DPP4: variants seen among roughly 807,000 people sequenced by gnomAD.
The protein encoded by DPP4 is ADCP-2.
In DPP4, 93 loss-of-function variants were observed where a neutral mutation model predicts 122.4. The observed-to-expected ratio is 0.76, with a 90% CI of 0.64 to 0.90. The LOEUF (loss-of-function observed/expected upper bound fraction) is 0.90, where lower values mean the gene tolerates loss of function less well. Ranked by LOEUF, DPP4 falls within the 40% of genes least tolerant of loss-of-function variation. The pLI, the probability that DPP4 is intolerant of heterozygous loss-of-function variation, is 0.00. For synonymous variants in DPP4, 321 were observed against 302.9 expected, an observed-to-expected ratio of 1.06 and a Z score of -0.62; for missense variants, 914 against 907.3, an observed-to-expected ratio of 1.01 and a Z score of -0.09.
At chr2:162,068,339 G>A (rs890202837) in intron 2 of DPP4, among the ~76,000 whole-genome samples, 2 of 152,242 alleles carry the variant, frequency 1.3e-5, no homozygotes, top group Non-Finnish European at 2.9e-5. Flanking sequence ...CAAGCTGACA[G>A]AATGATATGG....
chr2:162,051,102 T>C (rs1684366619), intron 2 of DPP4, among the ~76,000 whole-genome samples: 1 of 152,212 alleles, frequency 6.6e-6, no homozygotes, highest in Admixed American at 6.5e-5. Flanking sequence ...ACTTTTCTTC[T>C]TTAGCTAAAG....
At chr2:162,004,082 A>G (rs1701220778) in intron 23 of DPP4, among the ~76,000 whole-genome samples, 1 of 152,180 alleles carries the variant, frequency 6.6e-6, no homozygotes, top group African/African-American at 2.4e-5. Flanking sequence ...GGAAAGCCAC[A>G]GAAACATTCA....
At chr2:162,065,854 T>A (rs1180846323) in intron 2 of DPP4, among the ~76,000 whole-genome samples, 1 of 152,204 alleles carries the variant, frequency 6.6e-6, no homozygotes, top group African/African-American at 2.4e-5. Context: ...TATGTGTCTT[T>A]TAATGCTGTC....
rs746345944 is a variant in DPP4, at chr2:162,020,591, A to C, written c.1166T>G (p.Ile389Arg). Residue 389 changes from isoleucine (I) to arginine (R), a missense_variant, in exon 13 of 26, where the codon ATA becomes AGA. Ile to Arg is a moderately conservative substitution (Grantham distance 97). Transcript: ENST00000360534. The part of the protein sequence containing the change: ...EGYRHICYFQ[I>R]DKKDCTFITK... ...TGTAAGAATACTCACTTTTTTATCT[A>C]TTTGGAAATAGCAAATGTGTCTGTA... is the stretch of plus-strand genomic sequence containing the variant. 1 of 1,602,024 alleles carries C rather than the reference A, an allele frequency of 6.2e-7. No individual in the cohort carries two copies. Among genetic ancestry groups the C allele is most frequent in the Non-Finnish European group, 8.5e-7 (1 of 1,176,218 alleles).
chr2:162,032,710 A>AAC (rs1491544028), intron 10 of DPP4, among the ~76,000 whole-genome samples: 13 of 61,264 alleles, frequency 2.1e-4, no homozygotes, highest in African/African-American at 7.4e-4. Context: ...CAACAACAAC[A>AAC]AAAAAAAAAA....
In DPP4 at chr2:162,061,855, G is replaced by A. The variant is rs116385993; in HGVS notation, c.94+11544C>T. Among the ~76,000 whole-genome samples the A allele has an allele frequency of 5.9e-3, 901 of 152,286 alleles. 3 individuals carry two copies. The highest frequency in any genetic ancestry group is 9.9e-3 in the Non-Finnish European group (674 of 68,034). Reference sequence around the variant, plus strand: ...TATATTTTAACTGGGGGAGACATAGGAACAGATAATGAGTAAGCAATGCCA... The same window carrying A: ...TATATTTTAACTGGGGGAGACATAGAAACAGATAATGAGTAAGCAATGCCA... On this transcript the variant is annotated intron_variant, in intron 2 of 25. Coordinates refer to ENST00000360534, the MANE Select transcript of DPP4 (RefSeq NM_001935.4).
chr2:162,007,142 A>G (rs909241330), intron 22 of DPP4, among the ~76,000 whole-genome samples: 4 of 152,114 alleles, frequency 2.6e-5, no homozygotes, highest in African/African-American at 9.6e-5. Context: ...AAGGACACTA[A>G]TATAAAAATA....
At position 162,039,203 on chromosome 2, in the gene DPP4, A is replaced by G. The variant is rs1386081914; in HGVS notation, c.367-19T>C. The G allele has an allele frequency of 9.3e-6, 15 of 1,610,452 alleles. No individual in the cohort carries two copies. The highest frequency in any genetic ancestry group is 1.3e-5 in the Non-Finnish European group (15 of 1,178,234). On this transcript the variant is annotated intron_variant, in intron 5 of 25. Coordinates refer to ENST00000360534, the MANE Select transcript of DPP4 (RefSeq NM_001935.4). ...TCCATTGCTATGAAAGAAAACAGAC[A>G]TTTCAGGCTTCTGTGATACTTGATA...
intron 5 of DPP4, among the ~76,000 whole-genome samples, chr2:162,040,749 A>T (rs891821166): frequency 6.6e-6 from 1 of 152,060 alleles, no homozygotes; most frequent in African/African-American, 2.4e-5. Flanking sequence ...TAAACTATGG[A>T]CTTAAATTAA....
At chr2:162,069,592 C>A (rs1468587004) in intron 2 of DPP4, among the ~76,000 whole-genome samples, 2 of 152,176 alleles carry the variant, frequency 1.3e-5, no homozygotes, top group Non-Finnish European at 2.9e-5. Context: ...AACCTGCTGA[C>A]CTCATGAGCA....
At chr2:162,015,137 G>T (rs1461677185) in intron 18 of DPP4, among the ~76,000 whole-genome samples, 1 of 152,030 alleles carries the variant, frequency 6.6e-6, no homozygotes, top group East Asian at 1.9e-4. Context: ...AATAAAAGAT[G>T]AGTTATACTA....
chr2:162,019,081 G>A (rs1683026506), intron 15 of DPP4, 142 bp downstream of exon 15: 1 of 925,244 alleles, frequency 1.1e-6, no homozygotes, highest in African/African-American at 1.7e-5. Flanking sequence ...TGGACATGTA[G>A]ATTGATTTAT....
At position 162,008,578 on chromosome 2, in the gene DPP4, G is replaced by A; in HGVS notation, c.1971C>T (p.Ser657=). 1 of 1,613,318 alleles carries A rather than the reference G, an allele frequency of 6.2e-7. No individual in the cohort carries two copies. Among genetic ancestry groups the A allele is most frequent in the South Asian group, 1.1e-5 (1 of 91,024 alleles). The change falls in exon 22 of 26, where the codon TCC becomes TCT. Residue 657 remains serine (S), a synonymous_variant. Transcript: ENST00000360534. ...ATTACATACCATAGTACTCCCACCG[G>A]GATACAGGCGCCACGGCTATTCCAC... ...FKCGIAVAPV[S]RWEYYDSVYT... is the part of the protein sequence containing the mutation.
chr2:162,059,173 C>T (rs1283516386), intron 2 of DPP4, among the ~76,000 whole-genome samples: 1 of 152,138 alleles, frequency 6.6e-6, no homozygotes, highest in Non-Finnish European at 1.5e-5. Context: ...CATGCAGAGT[C>T]AGGAAGCTCT....
intron 14 of DPP4, 21 bp downstream of exon 14, chr2:162,020,208 A>G (rs748430906): frequency 6.3e-7 from 1 of 1,596,796 alleles, no homozygotes; most frequent in Non-Finnish European, 8.5e-7. Context: ...TTTATATCCT[A>G]TCAATTGTTA....
rs756382194 is a variant in DPP4, at chr2:162,023,371, T to C, written c.1024-572A>G. 4.0e-4 allele frequency among the ~76,000 whole-genome samples: 61 copies of C among 152,202 alleles called. 1 individual carries two copies. Among genetic ancestry groups the C allele is most frequent in the Non-Finnish European group, 1.0e-4 (7 of 68,040 alleles). ...TGTCCCATTGTGATAGTCTTTTCTT[T>C]AAAACCTTGAAACAACTCCCCATTT... On this transcript the variant is annotated intron_variant, in intron 11 of 25. Transcript: ENST00000360534.
intron 20 of DPP4, among the ~76,000 whole-genome samples, chr2:162,011,427 A>T (rs1682703489): frequency 1.3e-5 from 2 of 152,150 alleles, no homozygotes; most frequent in South Asian, 4.1e-4. Flanking sequence ...TTGACTGTGA[A>T]GGAATGGGCT....
intron 21 of DPP4, 143 bp downstream of exon 21, chr2:162,009,098 A>G: frequency 2.5e-6 from 2 of 810,048 alleles, no homozygotes; most frequent in Non-Finnish European, 4.1e-6. Flanking sequence ...CTCAGTGGAG[A>G]TTCTGCAGAG....
At chr2:162,039,311 T>C in intron 5 of DPP4, 127 bp from the exon 6 acceptor site, 1 of 833,484 alleles carries the variant, frequency 1.2e-6, no homozygotes, top group Admixed American at 2.7e-5. Context: ...TCATATCTTA[T>C]AATTTCCTCC....
Sources: allele counts gnomAD v4.1 joint callset (sites outside exome capture counted in the v4.1 genomes callset), GRCh38; gene constraint gnomAD v4.1.1; transcripts MANE v1.5; gene names NCBI Gene and HGNC (gene_info 2026-07-23, HGNC 2026-07-21).